The following CMSS1 variants were observed in gnomAD, a reference collection of about 807,000 sequenced individuals.
CMSS1 encodes the protein protein CMSS1.
A neutral mutation model predicts 43.5 loss-of-function variants in CMSS1; 33 were observed. The ratio of observed to expected loss-of-function variants is 0.76; its 90% CI spans 0.57 to 1.01. The LOEUF (loss-of-function observed/expected upper bound fraction) is 1.01, where lower values mean the gene tolerates loss of function less well. Ranked by LOEUF, CMSS1 falls within the 50% of genes least tolerant of loss-of-function variation. The pLI, the probability that CMSS1 is intolerant of heterozygous loss-of-function variation, is 0.00. For synonymous variants in CMSS1, 115 were observed against 117.2 expected (o/e 0.98, Z 0.12); for missense variants, 313 against 326.4 (o/e 0.96, Z 0.32).
At chr3:100,058,714 T>A (rs1043260032) in intron 1 of CMSS1, among the ~76,000 whole-genome samples, 1 of 152,210 alleles carries the variant, frequency 6.6e-6, no homozygotes, top group Non-Finnish European at 1.5e-5. Context: ...AGGGCCCATT[T>A]TTCCTGACTG....
chr3:99,839,132 A>T (rs1358446181), intron 1 of CMSS1, among the ~76,000 whole-genome samples: 1 of 151,958 alleles, frequency 6.6e-6, no homozygotes, highest in East Asian at 1.9e-4. Context: ...CCCCTGCTCA[A>T]TTCTCATCTG....
intron 1 of CMSS1, among the ~76,000 whole-genome samples, chr3:100,065,232 C>T (rs1305319302): frequency 6.6e-6 from 1 of 152,172 alleles, no homozygotes; most frequent in Non-Finnish European, 1.5e-5. Flanking sequence ...ATCCAGCAAT[C>T]TGTGTTTTAA....
intron 1 of CMSS1, among the ~76,000 whole-genome samples, chr3:100,014,107 A>T (rs957634686): frequency 1.4e-4 from 21 of 151,596 alleles, no homozygotes; most frequent in African/African-American, 5.1e-4. Context: ...TTCATTTAAC[A>T]TAATGTCCTC....
chr3:99,983,416 A>G lies in CMSS1; in HGVS notation c.65-163557A>G, dbSNP rs182970157. Among the ~76,000 whole-genome samples the G allele has an allele frequency of 3.2e-3, 311 of 96,944 alleles. 11 individuals carry two copies. Among genetic ancestry groups the G allele is most frequent in the African/African-American group, 8.0e-3 (185 of 23,048 alleles). The allele number at this position is 96,944 out of a possible 152,430, so 63.6% of individuals were successfully genotyped here. A position where few individuals can be genotyped will look rare whatever the true frequency, so the allele number is the denominator to read the frequency against. On this transcript the variant is annotated intron_variant, in intron 1 of 9. Coordinates refer to ENST00000421999, the MANE Select transcript of CMSS1 (RefSeq NM_032359.4). ...TATATATATATATATATATATATAT[A>G]TATGTATGTATGTATGTATATATAT... is the stretch of plus-strand genomic sequence containing the variant.
rs1320512388 is a variant in CMSS1, at chr3:99,849,232, A to C, written c.64+31189A>C. 4 of 1,614,182 alleles carry C rather than the reference A, an allele frequency of 2.5e-6. No individual in the cohort carries two copies. In the East Asian group the frequency reaches 6.7e-5, roughly 27 times the overall value. On this transcript the variant is annotated intron_variant, in intron 1 of 9. Coordinates refer to ENST00000421999, the MANE Select transcript of CMSS1 (RefSeq NM_032359.4). Reference sequence around the variant, plus strand: ...GATGACTGCACGTTCCAGAGGAATGAGGCTCTTGTAATCAGGTGGTTCATT... The same window carrying C: ...GATGACTGCACGTTCCAGAGGAATGCGGCTCTTGTAATCAGGTGGTTCATT...
At chr3:100,025,340 T>G (rs1372013147) in intron 1 of CMSS1, 1 of 152,204 alleles carries the variant, frequency 6.6e-6, no homozygotes, top group Non-Finnish European at 1.5e-5. Flanking sequence ...TTTGATCACA[T>G]TCACAAACCG....
chr3:99,911,842 C>T (rs1426606455), intron 1 of CMSS1, among the ~76,000 whole-genome samples: 1 of 151,990 alleles, frequency 6.6e-6, no homozygotes, highest in Non-Finnish European at 1.5e-5. Context: ...TTTCCTAGTT[C>T]CTAGTTCCAA....
At chr3:99,894,920 G>A (rs539814233) in intron 1 of CMSS1, among the ~76,000 whole-genome samples, 1 of 152,286 alleles carries the variant, frequency 6.6e-6, no homozygotes, top group African/African-American at 2.4e-5. Context: ...TGGACTAGCT[G>A]GGACCCTATG....
intron 1 of CMSS1, among the ~76,000 whole-genome samples, chr3:100,073,717 C>T (rs1405104391): frequency 2.6e-5 from 4 of 152,136 alleles, no homozygotes; most frequent in East Asian, 1.9e-4. Flanking sequence ...ACATGACAGC[C>T]GGTGTTCACT....
chr3:99,921,169 A>T (rs889214324), intron 1 of CMSS1, among the ~76,000 whole-genome samples: 1 of 152,134 alleles, frequency 6.6e-6, no homozygotes, highest in Admixed American at 6.5e-5. Context: ...GAGAGAAAGC[A>T]CTCAGTGAAG....
chr3:99,954,253 C>T (rs1007051346), intron 1 of CMSS1, among the ~76,000 whole-genome samples: 2 of 152,184 alleles, frequency 1.3e-5, no homozygotes, highest in Admixed American at 1.3e-4. Context: ...GCTTTGAGCC[C>T]AGGTCATCTA....
intron 1 of CMSS1, among the ~76,000 whole-genome samples, chr3:99,971,119 C>T (rs1176365722): frequency 6.6e-6 from 1 of 152,134 alleles, no homozygotes; most frequent in East Asian, 1.9e-4. Flanking sequence ...GGGCGGATCA[C>T]TAGGTCAGGA....
At chr3:100,144,717 C>T (rs2066833587) in intron 1 of CMSS1, among the ~76,000 whole-genome samples, 1 of 152,206 alleles carries the variant, frequency 6.6e-6, no homozygotes. Flanking sequence ...GCTAGGCTTC[C>T]TCTTTCGTGG....
intron 1 of CMSS1, among the ~76,000 whole-genome samples, chr3:99,996,847 T>C (rs1336443956): frequency 2.0e-5 from 3 of 151,516 alleles, no homozygotes; most frequent in Non-Finnish European, 4.4e-5. Flanking sequence ...ATGGGAATTA[T>C]GGGAGTACAA....
At chr3:99,909,695 A>C (rs1706731656) in intron 1 of CMSS1, among the ~76,000 whole-genome samples, 1 of 152,238 alleles carries the variant, frequency 6.6e-6, no homozygotes, top group African/African-American at 2.4e-5. Context: ...AAAGTCCATC[A>C]CACTGCTAAT....
intron 1 of CMSS1, among the ~76,000 whole-genome samples, chr3:100,117,927 A>T (rs141461400): frequency 6.8e-6 from 1 of 147,238 alleles, no homozygotes; most frequent in African/African-American, 2.5e-5. Flanking sequence ...TGAAATTCTG[A>T]TACATACTAC....
intron 1 of CMSS1, among the ~76,000 whole-genome samples, chr3:99,917,201 T>A (rs1706981136): frequency 6.6e-6 from 1 of 152,210 alleles, no homozygotes; most frequent in Non-Finnish European, 1.5e-5. Flanking sequence ...GGCTGTTGGA[T>A]AATTACTGTG....
Position 100,039,756 on chromosome 3 carries a change from CT to C in CMSS1, c.65-107202del, listed in dbSNP as rs559735123. 6.5e-3 allele frequency: 918 copies of C among 141,284 alleles called. 11 individuals are homozygous for C. The highest frequency in any genetic ancestry group is 0.06 in the South Asian group (266 of 4,406). The allele number at this position is 141,284 out of a possible 1,614,324, so 8.8% of individuals were successfully genotyped here. A position where few individuals can be genotyped will look rare whatever the true frequency, so the allele number is the denominator to read the frequency against. ...TTTCTTCACAGTTAACGACTTTCTTCTTTTTTTTTTTTTTTGAGATGGAGTC... is the reference window on the plus strand; with the variant it reads ...TTTCTTCACAGTTAACGACTTTCTTCTTTTTTTTTTTTTTGAGATGGAGTC... On this transcript the variant is annotated intron_variant, in intron 1 of 9. Coordinates refer to ENST00000421999, the MANE Select transcript of CMSS1 (RefSeq NM_032359.4).
intron 1 of CMSS1, among the ~76,000 whole-genome samples, chr3:100,053,870 G>T (rs1049354501): frequency 6.6e-6 from 1 of 152,148 alleles, no homozygotes; most frequent in African/African-American, 2.4e-5. Flanking sequence ...GCCAGATTTT[G>T]TTCTCCATTA....
Sources: allele counts gnomAD v4.1 joint callset (sites outside exome capture counted in the v4.1 genomes callset), GRCh38; gene constraint gnomAD v4.1.1; transcripts MANE v1.5; gene names NCBI Gene and HGNC (gene_info 2026-07-23, HGNC 2026-07-21).